The following SH3D21 variants were observed in gnomAD, a reference collection of about 807,000 sequenced individuals.
SH3D21 encodes the protein SH3 domain-containing protein 21.
A neutral mutation model predicts 82.1 loss-of-function variants in SH3D21; 83 were observed. That is an observed-to-expected ratio of 1.01 (90% CI 0.85 to 1.21). SH3D21 has a LOEUF of 1.21. Among genes scored for constraint, SH3D21 ranks in the 50% most tolerant of loss-of-function variants. SH3D21 has a pLI of 0.00. For synonymous variants in SH3D21, 383 were observed against 387.8 expected (o/e 0.99, Z 0.15); for missense variants, 980 against 962.1 (o/e 1.02, Z -0.25).
rs1279703717 is a variant in SH3D21, at chr1:36,307,429, G to A, written c.346-88G>A. ...GCGCGGGAGGGAAGGAGGGAGGAAG[G>A]GGCGCTTGGGCAGAACCAAGGGTGG... On this transcript the variant is annotated intron_variant, in intron 4 of 15. Coordinates refer to ENST00000453908, the MANE Select transcript of SH3D21 (RefSeq NM_001162530.2). The surrounding 1 kb of genome is among the most constrained non-coding windows in gnomAD (Gnocchi z 5.4). 6.6e-7 allele frequency: 1 copy of A among 1,509,726 alleles called. No individual in the cohort carries two copies. The highest frequency in any genetic ancestry group is 2.0e-5 in the Admixed American group (1 of 49,664). The allele number at this position is 1,509,726 out of a possible 1,614,324, so 93.5% of individuals were successfully genotyped here.
Position 36,306,629 on chromosome 1 carries a change from G to A in SH3D21, c.36G>A (p.Gln12=). The A allele has an allele frequency of 7.7e-7, 1 of 1,302,434 alleles. No individual in the cohort carries two copies. Among genetic ancestry groups the A allele is most frequent in the South Asian group, 1.2e-5 (1 of 80,936 alleles). 80.7% of individuals were successfully genotyped at this position (1,302,434 alleles called of 1,614,324 possible). The change falls in exon 2 of 16, where the codon CAG becomes CAA. Residue 12 remains glutamine, a synonymous_variant. Coordinates refer to ENST00000453908, the MANE Select transcript of SH3D21 (RefSeq NM_001162530.2). The surrounding 1 kb of genome is among the most constrained non-coding windows in gnomAD (Gnocchi z 4.5). Reference sequence around the variant, plus strand: ...TCGTCCTGGCCGGATACCGCGCGCAGAAGGAGGACGAGCTGAGTCTGGCGC... The same window carrying A: ...TCGTCCTGGCCGGATACCGCGCGCAAAAGGAGGACGAGCTGAGTCTGGCGC... ...EVLVLAGYRA[Q]KEDELSLAPG... is the part of the protein sequence containing the mutation.
At chr1:36,313,803 G>A (rs1449651814) in intron 10 of SH3D21, among the ~76,000 whole-genome samples, 2 of 151,602 alleles carry the variant, frequency 1.3e-5, no homozygotes, top group Non-Finnish European at 2.9e-5. Flanking sequence ...GTGCTCAAGT[G>A]ATCCTCCTGC....
intron 10 of SH3D21, among the ~76,000 whole-genome samples, chr1:36,313,327 C>CAGTAAATAAATAAATA (rs1553129278): frequency 7.0e-6 from 1 of 142,514 alleles, no homozygotes; most frequent in South Asian, 2.3e-4. Flanking sequence ...CTCTGTCTCA[C>CAGTAAATAAATAAATA]AATAAATAAA....
chr1:36,323,532 C>G (rs1426867282), downstream of SH3D21: 2 of 152,106 alleles, frequency 1.3e-5, no homozygotes, highest in Non-Finnish European at 2.9e-5. Context: ...CGGCCGCCCC[C>G]GCCCGCTCGG....
Position 36,306,737 on chromosome 1 carries a change from C to T in SH3D21, c.144C>T (p.Phe48=), listed in dbSNP as rs1370315565. 3 of 1,289,798 alleles carry T rather than the reference C, an allele frequency of 2.3e-6. No homozygotes were observed. The highest frequency in any genetic ancestry group is 5.6e-5 in the East Asian group (1 of 17,772). 79.9% of individuals were successfully genotyped at this position (1,289,798 alleles called of 1,614,324 possible). Residue 48 remains phenylalanine (F), a synonymous_variant, in exon 2 of 16, where the codon TTC becomes TTT. Coordinates refer to ENST00000453908, the MANE Select transcript of SH3D21 (RefSeq NM_001162530.2). This position sits in a 1 kb window ranked among gnomAD's most constrained non-coding sequence, Gnocchi z 4.5. The part of the protein sequence containing the change: ...RGEFGGRYGL[F]PERLVQEIPE... ...AGTTTGGGGGCCGCTATGGCCTCTT[C>T]CCCGAGCGCCTGGTGCAGGTGAGGC...
chr1:36,326,722 C>T (rs577890984), downstream of SH3D21, among the ~76,000 whole-genome samples: 77 of 152,196 alleles, frequency 5.1e-4, no homozygotes, highest in African/African-American at 1.7e-3. Flanking sequence ...AGGGCGGGGC[C>T]GGTGGAGAGG....
intron 10 of SH3D21, among the ~76,000 whole-genome samples, chr1:36,317,855 C>T (rs147023520): frequency 1.7e-3 from 254 of 152,340 alleles, no homozygotes; most frequent in African/African-American, 5.8e-3. Flanking sequence ...TGGGCCACCG[C>T]GCCTAGCCCC....
At chr1:36,324,552 G>C (rs899683615), downstream of SH3D21, 3 of 152,254 alleles carry the variant, frequency 2.0e-5, no homozygotes, top group African/African-American at 7.2e-5. Flanking sequence ...AGGAGGAAAG[G>C]GGGAGAGGAA....
At chr1:36,322,332 G>A (rs139875973), downstream of SH3D21, 3 of 1,568,566 alleles carry the variant, frequency 1.9e-6, no homozygotes, top group Non-Finnish European at 2.6e-6. Context: ...GCCCGTGGCC[G>A]TGGGGCTGGG....
At position 36,307,045 on chromosome 1, in the gene SH3D21, T is replaced by G. The variant is rs1413652932; in HGVS notation, c.227-122T>G. 1.4e-6 allele frequency: 2 copies of G among 1,466,134 alleles called. No homozygotes were observed. The highest frequency in any genetic ancestry group is 1.8e-6 in the Non-Finnish European group (2 of 1,104,702). 90.8% of individuals were successfully genotyped at this position (1,466,134 alleles called of 1,614,324 possible). A position where few individuals can be genotyped will look rare whatever the true frequency, so the allele number is the denominator to read the frequency against. ...CTGCGGTCTGTGATTGGTTCTCGAG[T>G]GCAATGCTCCGCCCTGGGGCGGGGC... On this transcript the variant is annotated intron_variant, in intron 3 of 15. Transcript: ENST00000453908. The surrounding 1 kb of genome is among the most constrained non-coding windows in gnomAD (Gnocchi z 5.4).
At position 36,319,518 on chromosome 1, in the gene SH3D21, A is replaced by T; in HGVS notation, c.993A>T (p.Gln331His). Residue 331 changes from glutamine (Q) to histidine (H), a missense_variant, in exon 13 of 16, where the codon CAA (glutamine) becomes CAT (histidine). Coordinates refer to ENST00000453908, the MANE Select transcript of SH3D21 (RefSeq NM_001162530.2). ...RKRSKTQTPQ[Q>H]RSVSSQEEEH... The stretch of plus-strand genomic sequence containing the variant: ...GATCCAAAACCCAGACTCCCCAGCA[A>T]CGCTCTGTGTCCAGTCAGGTGAGGG... 1 of 1,551,690 alleles carries T rather than the reference A, an allele frequency of 6.4e-7. No homozygotes were observed. Among genetic ancestry groups the T allele is most frequent in the South Asian group, 1.2e-5 (1 of 84,060 alleles).
intron 10 of SH3D21, among the ~76,000 whole-genome samples, chr1:36,317,773 AG>A (rs1646369546): frequency 6.6e-6 from 1 of 152,192 alleles, no homozygotes; most frequent in African/African-American, 2.4e-5. Flanking sequence ...CATGTTGACC[AG>A]GCTGGTCCTG....
chr1:36,322,139 G>T, downstream of SH3D21: 1 of 1,352,508 alleles, frequency 7.4e-7, no homozygotes, highest in Non-Finnish European at 9.6e-7. Context: ...GGGTCTTCTG[G>T]CAGGACTGGG....
rs187974505 is a variant in SH3D21 at position 36,319,001 on chromosome 1, C to T, written c.770-70C>T. 258 of 894,834 alleles carry T rather than the reference C, an allele frequency of 2.9e-4. No individual in the cohort carries two copies. In the African/African-American group the frequency reaches 3.9e-3, roughly 14 times the overall value. The allele number at this position is 894,834 out of a possible 1,614,324, so 55.4% of individuals were successfully genotyped here. On this transcript the variant is annotated intron_variant, in intron 10 of 15. Coordinates refer to ENST00000453908, the MANE Select transcript of SH3D21 (RefSeq NM_001162530.2). ...ACAAGATTAACCTCCTGCCCATAGT[C>T]CCCTGCACACAGCACAAGACAGGGC...
At chr1:36,315,289 C>T (rs1646322618) in intron 10 of SH3D21, among the ~76,000 whole-genome samples, 1 of 151,918 alleles carries the variant, frequency 6.6e-6, no homozygotes, top group Admixed American at 6.6e-5. Context: ...AAAAAAAATC[C>T]TTCGCAAATT....
In SH3D21 at chr1:36,321,247, C is replaced by A; in HGVS notation, c.*120C>A. ...TAGCACGGCGCCACGCCGGTCTGGT[C>A]GCTGGGGGCGGGGCCTGCGCGGGGG... On this transcript the variant is annotated 3_prime_UTR_variant, in exon 16 of 16. Transcript: ENST00000453908. This position sits in a 1 kb window ranked among gnomAD's most constrained non-coding sequence, Gnocchi z 6.1. The A allele has an allele frequency of 6.8e-7, 1 of 1,476,656 alleles. No individual in the cohort carries two copies. The highest frequency in any genetic ancestry group is 9.0e-7 in the Non-Finnish European group (1 of 1,115,510). 91.5% of individuals were successfully genotyped at this position (1,476,656 alleles called of 1,614,324 possible). A position where few individuals can be genotyped will look rare whatever the true frequency, so the allele number is the denominator to read the frequency against.
chr1:36,321,368 T>C (rs1207951031), downstream of SH3D21: 14 of 1,395,222 alleles, frequency 1.0e-5, no homozygotes, highest in Non-Finnish European at 1.3e-5. The surrounding 1 kb of genome is among the most constrained non-coding windows in gnomAD (Gnocchi z 6.1). Flanking sequence ...CGCGCGGCTA[T>C]TTTTATCCAC....
chr1:36,327,674 C>T, downstream of SH3D21: 1 of 1,194,910 alleles, frequency 8.4e-7, no homozygotes, highest in Non-Finnish European at 1.1e-6. Flanking sequence ...TTGCTGGTTG[C>T]TTCAGAGAGA....
chr1:36,321,775 G>A (rs1441039215), downstream of SH3D21: 2 of 1,001,904 alleles, frequency 2.0e-6, no homozygotes, highest in African/African-American at 1.7e-5. This position sits in a 1 kb window ranked among gnomAD's most constrained non-coding sequence, Gnocchi z 6.1. Context: ...CCAGGCGTTT[G>A]CCGGTAAGGA....
Sources: allele counts gnomAD v4.1 joint callset (sites outside exome capture counted in the v4.1 genomes callset), GRCh38; gene constraint gnomAD v4.1.1; non-coding constraint Gnocchi (gnomAD v3.1); transcripts MANE v1.5; gene names NCBI Gene and HGNC (gene_info 2026-07-23, HGNC 2026-07-21).